NBAS: variants seen among roughly 807,000 people sequenced by gnomAD.
NBAS encodes the protein NBAS subunit of NRZ tethering complex.
In NBAS, 219 loss-of-function variants were observed where a neutral mutation model predicts 302.5. The observed-to-expected ratio is 0.72, with a 90% confidence interval of 0.65 to 0.81. The LOEUF is 0.81. NBAS is among the 30% of genes least tolerant of loss of function. The pLI, the probability that NBAS is intolerant of heterozygous loss-of-function variation, is 0.00. For synonymous variants in NBAS, 1,118 were observed against 1,021.6 expected (o/e 1.09, Z -1.80); for missense variants, 2,932 against 2,841.6 (o/e 1.03, Z -0.72).
intron 35 of NBAS, 72 bp from the exon 36 acceptor site, chr2:15,330,837 G>T: frequency 6.7e-7 from 1 of 1,486,976 alleles, no homozygotes; most frequent in Non-Finnish European, 9.3e-7. Context: ...GTGATAATGT[G>T]ACTGCTTAAA....
chr2:15,075,782 C>CAT, the NBAS span, among the ~76,000 whole-genome samples: 1 of 151,836 alleles, frequency 6.6e-6, no homozygotes, highest in Non-Finnish European at 1.5e-5. Flanking sequence ...CACACACACA[C>CAT]ATATACACAC....
intron 37 of NBAS, 30 bp downstream of exon 37, chr2:15,328,169 A>C (rs1474706078): frequency 6.3e-7 from 1 of 1,591,880 alleles, no homozygotes; most frequent in Non-Finnish European, 8.6e-7. Flanking sequence ...ATGACAGTTA[A>C]ATCTATCTTC....
chr2:15,455,972 A>G (rs10169837), intron 21 of NBAS, among the ~76,000 whole-genome samples: 2,494 of 152,244 alleles, frequency 0.016, 23 homozygotes, highest in Non-Finnish European at 0.019. Context: ...GAAAATCTCT[A>G]TTATCTCAAG....
the NBAS span, among the ~76,000 whole-genome samples, chr2:14,942,961 CCTT>C: frequency 6.6e-6 from 1 of 152,222 alleles, no homozygotes; most frequent in Admixed American, 6.5e-5. Flanking sequence ...TGCAGATCTG[CCTT>C]CTTCTCTGAA....
At chr2:15,269,226 G>GATAT (rs1357966966) in intron 44 of NBAS, among the ~76,000 whole-genome samples, 3 of 152,308 alleles carry the variant, frequency 2.0e-5, no homozygotes, top group Admixed American at 2.0e-4. Flanking sequence ...CACGGGCAGG[G>GATAT]ATATGTGAAA....
chr2:15,408,447 GTA>G (rs1169572168), intron 25 of NBAS, among the ~76,000 whole-genome samples: 1 of 151,998 alleles, frequency 6.6e-6, no homozygotes, highest in Non-Finnish European at 1.5e-5. Context: ...TGTTTCCTAA[GTA>G]TGATTATTTT....
the NBAS span, among the ~76,000 whole-genome samples, chr2:15,152,041 G>T: frequency 3.3e-5 from 5 of 152,088 alleles, no homozygotes; most frequent in Non-Finnish European, 5.9e-5. Context: ...GTAGAGAGGG[G>T]GTTTCACCAT....
chr2:15,532,488 CA>C (rs896529713), intron 9 of NBAS, among the ~76,000 whole-genome samples: 4,811 of 47,844 alleles, frequency 0.1, 128 homozygotes, highest in African/African-American at 0.22. Flanking sequence ...GACTCCATCT[CA>C]AAAAAAAAAA....
the NBAS span, among the ~76,000 whole-genome samples, chr2:15,115,488 C>CA: frequency 4.6e-5 from 7 of 151,718 alleles, no homozygotes; most frequent in Admixed American, 2.0e-4. Context: ...AGTAGATATG[C>CA]AAAAAAAATT....
chr2:15,066,983 G>C, the NBAS span, among the ~76,000 whole-genome samples: 2 of 151,888 alleles, frequency 1.3e-5, no homozygotes, highest in African/African-American at 4.8e-5. Context: ...AACCAATAAA[G>C]AAAATGTAAT....
intron 31 of NBAS, among the ~76,000 whole-genome samples, chr2:15,372,722 A>G (rs1050831337): frequency 3.9e-5 from 6 of 152,242 alleles, no homozygotes; most frequent in Non-Finnish European, 8.8e-5. Context: ...TCTTTCTTAA[A>G]ATACTCCTCA....
intron 42 of NBAS, among the ~76,000 whole-genome samples, chr2:15,279,483 T>C (rs1163112844): frequency 6.6e-6 from 1 of 152,200 alleles, no homozygotes; most frequent in Non-Finnish European, 1.5e-5. Flanking sequence ...TCTCCTGTCA[T>C]ACTTCATTCG....
At chr2:14,925,179 T>C in the NBAS span, among the ~76,000 whole-genome samples, 4 of 152,320 alleles carry the variant, frequency 2.6e-5, no homozygotes, top group South Asian at 6.2e-4. Context: ...CTATGGCACT[T>C]GCTAAGTTTA....
At chr2:14,788,833 T>G in the NBAS span, among the ~76,000 whole-genome samples, 12 of 152,328 alleles carry the variant, frequency 7.9e-5, no homozygotes, top group East Asian at 2.1e-3. Flanking sequence ...TCCAGCTGCA[T>G]GCTGGGAGAA....
chr2:15,412,255 A>G (rs1676719701), intron 25 of NBAS, among the ~76,000 whole-genome samples: 1 of 152,084 alleles, frequency 6.6e-6, no homozygotes, highest in South Asian at 2.1e-4. Context: ...ACGTTCTTTG[A>G]CCTGTGAAAT....
chr2:15,294,370 T>C (rs1386558673), intron 40 of NBAS, among the ~76,000 whole-genome samples: 9 of 152,150 alleles, frequency 5.9e-5, no homozygotes, highest in Admixed American at 5.2e-4. Flanking sequence ...AAATGAAGTG[T>C]ATAAGCCAAA....
At chr2:15,370,296 G>T (rs923517624) in intron 31 of NBAS, among the ~76,000 whole-genome samples, 2 of 151,916 alleles carry the variant, frequency 1.3e-5, no homozygotes, top group African/African-American at 4.8e-5. Context: ...CACCTCATAG[G>T]GTATGGTTTT....
chr2:15,525,523 C>T (rs537607383), intron 9 of NBAS, among the ~76,000 whole-genome samples: 3 of 152,142 alleles, frequency 2.0e-5, no homozygotes, highest in African/African-American at 7.2e-5. Context: ...TAGAACCAAC[C>T]GTAGTAGTGG....
the NBAS span, among the ~76,000 whole-genome samples, chr2:15,102,413 T>C: frequency 1.3e-5 from 2 of 152,190 alleles, no homozygotes; most frequent in East Asian, 3.9e-4. Flanking sequence ...GTTTGAGGAA[T>C]GGGGGGCAAG....
Sources: allele counts gnomAD v4.1 joint callset (sites outside exome capture counted in the v4.1 genomes callset), GRCh38; gene constraint gnomAD v4.1.1; transcripts MANE v1.5; gene names NCBI Gene and HGNC (gene_info 2026-07-23, HGNC 2026-07-21).